The following HNRNPLL variants were observed in gnomAD, a reference collection of about 807,000 sequenced individuals.
The protein encoded by HNRNPLL is heterogeneous nuclear ribonucleoprotein L like.
In HNRNPLL, 25 loss-of-function variants were observed where a neutral mutation model predicts 67.1. The ratio of observed to expected loss-of-function variants is 0.37; its 90% CI spans 0.27 to 0.52. HNRNPLL has a LOEUF of 0.52. HNRNPLL is among the 20% of genes least tolerant of loss of function. HNRNPLL has a pLI of 0.90. For missense variants in HNRNPLL, 542 were observed against 673.9 expected (o/e 0.80, Z 2.17); for synonymous variants, 267 against 241.7 (o/e 1.10, Z -0.97).
At chr2:38,587,420 A>C (rs965009008) in intron 2 of HNRNPLL, among the ~76,000 whole-genome samples, 5 of 152,192 alleles carry the variant, frequency 3.3e-5, no homozygotes, top group Admixed American at 6.5e-5. Flanking sequence ...CTAGAAACAG[A>C]GCCTAGCATA....
At position 38,563,385 on chromosome 2, in the gene HNRNPLL, A is replaced by C. The variant is rs529087640; in HGVS notation, c.*797T>G. ...GGGGTACACAGATTCTCTGAAGCCC[A>C]CCCATGGATCCCAGATTATTATCTA... is the stretch of plus-strand genomic sequence containing the variant. On this transcript the variant is annotated 3_prime_UTR_variant, in exon 13 of 13. Coordinates refer to ENST00000449105, the MANE Select transcript of HNRNPLL (RefSeq NM_138394.4). 1.6e-4 allele frequency: 24 copies of C among 152,126 alleles called. No individual in the cohort carries two copies. Among genetic ancestry groups the C allele is most frequent in the Non-Finnish European group, 2.4e-4 (16 of 67,956 alleles). 9.4% of individuals were successfully genotyped at this position (152,126 alleles called of 1,614,324 possible). A position where few individuals can be genotyped will look rare whatever the true frequency, so the allele number is the denominator to read the frequency against.
At chr2:38,602,168 GC>G (rs1418323706) in intron 1 of HNRNPLL, 1 of 470,850 alleles carries the variant, frequency 2.1e-6, no homozygotes, top group Non-Finnish European at 3.7e-6. Flanking sequence ...CCTCCCCGCC[GC>G]CGCCGCCGCG....
At chr2:38,600,792 A>ACC (rs1237013626) in intron 1 of HNRNPLL, among the ~76,000 whole-genome samples, 1 of 151,336 alleles carries the variant, frequency 6.6e-6, no homozygotes, top group African/African-American at 2.4e-5. Flanking sequence ...ACTCTTGACC[A>ACC]CCCCCAAGCC....
At chr2:38,587,312 A>C (rs1277664616) in intron 2 of HNRNPLL, among the ~76,000 whole-genome samples, 1 of 152,250 alleles carries the variant, frequency 6.6e-6, no homozygotes, top group Non-Finnish European at 1.5e-5. Flanking sequence ...CTCTAAGCGG[A>C]TTGCCTTGCA....
intron 8 of HNRNPLL, among the ~76,000 whole-genome samples, chr2:38,572,212 ATGTTTTGTTTTGTTT>A (rs55761392): frequency 6.6e-6 from 1 of 151,204 alleles, no homozygotes; most frequent in African/African-American, 2.4e-5. Flanking sequence ...CAAATGTGGA[ATGTTTTGTTTTGTTT>A]TGTTTTGTTT....
Position 38,564,133 on chromosome 2 carries a change from T to C in HNRNPLL, c.*49A>G, listed in dbSNP as rs369046509. The stretch of plus-strand genomic sequence containing the variant: ...GATTTTTTTTTAATGAAGTGTAGCT[T>C]TGAAATTGTAATAAAGGTGAACATA... On this transcript the variant is annotated 3_prime_UTR_variant, in exon 13 of 13. Transcript: ENST00000449105. 3 of 1,131,814 alleles carry C rather than the reference T, an allele frequency of 2.7e-6. No homozygotes were observed. The highest frequency in any genetic ancestry group is 3.5e-5 in the Admixed American group (2 of 56,470). 70.1% of individuals were successfully genotyped at this position (1,131,814 alleles called of 1,614,324 possible).
intron 12 of HNRNPLL, among the ~76,000 whole-genome samples, chr2:38,567,918 G>C (rs895317919): frequency 2.6e-5 from 4 of 152,078 alleles, no homozygotes; most frequent in Non-Finnish European, 5.9e-5. Context: ...GCAACTTCAT[G>C]GGAGATCCTA....
At chr2:38,565,727 CAAAAAAAAA>C (rs200356084) in intron 12 of HNRNPLL, among the ~76,000 whole-genome samples, 45 of 73,278 alleles carry the variant, frequency 6.1e-4, no homozygotes, top group South Asian at 4.4e-3. Context: ...GACCCTGTCT[CAAAAAAAAA>C]AAAAAAAAAA....
At chr2:38,581,657 G>C (rs1215386085) in intron 6 of HNRNPLL, 7 of 522,066 alleles carry the variant, frequency 1.3e-5, no homozygotes, top group African/African-American at 3.9e-5. Context: ...TTGGAGAAAT[G>C]CAAGTCCTTG....
intron 12 of HNRNPLL, among the ~76,000 whole-genome samples, chr2:38,566,569 T>C (rs1250465476): frequency 2.0e-5 from 3 of 152,008 alleles, no homozygotes. Context: ...TTTTCATATA[T>C]CACGGTTGGT....
chr2:38,564,645 T>C (rs1450186171), intron 12 of HNRNPLL, among the ~76,000 whole-genome samples: 1 of 149,462 alleles, frequency 6.7e-6, no homozygotes, highest in Non-Finnish European at 1.5e-5. Flanking sequence ...AAAGTAAAAT[T>C]TCTAAGTAAA....
At chr2:38,591,339 A>C (rs1666950748) in intron 2 of HNRNPLL, among the ~76,000 whole-genome samples, 191 bp downstream of exon 2, 1 of 152,232 alleles carries the variant, frequency 6.6e-6, no homozygotes, top group African/African-American at 2.4e-5. Context: ...ACACTCATGC[A>C]TCACCCAGGA....
chr2:38,591,430 C>T (rs1572456851), intron 2 of HNRNPLL, 100 bp downstream of exon 2: 1 of 741,256 alleles, frequency 1.3e-6, no homozygotes, highest in South Asian at 1.5e-5. Flanking sequence ...TTTATATATA[C>T]AAACAATATT....
intron 1 of HNRNPLL, among the ~76,000 whole-genome samples, chr2:38,597,878 G>A (rs745965234): frequency 4.6e-5 from 7 of 151,664 alleles, no homozygotes; most frequent in Non-Finnish European, 7.4e-5. Flanking sequence ...TAGTAGAGAC[G>A]AGGTTTCACC....
chr2:38,569,594 A>G (rs1022537313), intron 9 of HNRNPLL, among the ~76,000 whole-genome samples: 3 of 152,186 alleles, frequency 2.0e-5, no homozygotes, highest in Admixed American at 2.0e-4. Context: ...AACACGTTTT[A>G]TCATCATAAA....
rs758709108 is a variant in HNRNPLL, at chr2:38,585,803, T to C, written c.387A>G (p.Thr129=). The change falls in exon 3 of 13, where the codon ACA becomes ACG. Residue 129 remains threonine (T), a synonymous_variant. Transcript: ENST00000449105. ...TGTACACGGGTTCATCTGCAGCAAA[T>C]GTCACACATTCTTTGGCACTATCTA... ...ENIDSAKECV[T]FAADEPVYIA... is the part of the protein sequence containing the mutation. The C allele has an allele frequency of 1.2e-6, 2 of 1,613,904 alleles. No individual in the cohort carries two copies. Among genetic ancestry groups the C allele is most frequent in the Admixed American group, 3.3e-5 (2 of 59,986 alleles).
chr2:38,599,565 GT>G (rs1463865657), intron 1 of HNRNPLL, among the ~76,000 whole-genome samples: 3 of 152,108 alleles, frequency 2.0e-5, no homozygotes, highest in East Asian at 1.9e-4. Context: ...AACCCTAGGA[GT>G]TTTTTGCTCT....
At chr2:38,595,023 T>C (rs914981923) in intron 1 of HNRNPLL, among the ~76,000 whole-genome samples, 3 of 151,754 alleles carry the variant, frequency 2.0e-5, no homozygotes, top group East Asian at 1.9e-4. Context: ...ATGCCTGTAA[T>C]CCTAGCACTC....
At chr2:38,590,026 T>C (rs1258543166) in intron 2 of HNRNPLL, among the ~76,000 whole-genome samples, 2 of 152,178 alleles carry the variant, frequency 1.3e-5, no homozygotes, top group Non-Finnish European at 2.9e-5. Context: ...TATGTAACTC[T>C]CCACGCAGAT....
Sources: allele counts gnomAD v4.1 joint callset (sites outside exome capture counted in the v4.1 genomes callset), GRCh38; gene constraint gnomAD v4.1.1; transcripts MANE v1.5; gene names NCBI Gene and HGNC (gene_info 2026-07-23, HGNC 2026-07-21).